Variants in CACNA2D3 observed in about 807,000 individuals in gnomAD.
CACNA2D3 encodes voltage-dependent calcium channel subunit alpha-2/delta-3.
Under a neutral mutation model 160.6 loss-of-function variants are expected in CACNA2D3, and 60 were observed. That is an observed-to-expected ratio of 0.37 (90% CI 0.30 to 0.46). The LOEUF (loss-of-function observed/expected upper bound fraction) is 0.46, where lower values mean the gene tolerates loss of function less well. Among genes scored for constraint, CACNA2D3 ranks in the 20% least tolerant of loss-of-function variants. The pLI is 1.00. For missense variants in CACNA2D3, 1,205 were observed against 1,365.0 expected, an observed-to-expected ratio of 0.88 and a Z score of 1.85; for synonymous variants, 558 against 492.9, an observed-to-expected ratio of 1.13 and a Z score of -1.75.
chr3:55,061,034 T>C (rs575673885), intron 35 of CACNA2D3, among the ~76,000 whole-genome samples: 1 of 151,374 alleles, frequency 6.6e-6, no homozygotes, highest in East Asian at 1.9e-4. Flanking sequence ...CAATAAATCC[T>C]TGTGGGCTGA....
chr3:54,495,667 TGAACCCAGG>T (rs1457981666), intron 4 of CACNA2D3, among the ~76,000 whole-genome samples: 11 of 152,162 alleles, frequency 7.2e-5, no homozygotes, highest in Non-Finnish European at 1.6e-4. Context: ...GAGGATCACT[TGAACCCAGG>T]AGGCAGAGGC....
At chr3:54,374,817 A>T (rs954139184) in intron 3 of CACNA2D3, among the ~76,000 whole-genome samples, 2 of 152,044 alleles carry the variant, frequency 1.3e-5, no homozygotes, top group African/African-American at 4.8e-5. Context: ...TAACTTTCAG[A>T]TGTTTTGTCT....
intron 35 of CACNA2D3, among the ~76,000 whole-genome samples, chr3:55,058,067 C>T (rs1208410278): frequency 6.6e-6 from 1 of 152,178 alleles, no homozygotes; most frequent in East Asian, 1.9e-4. Context: ...ACATCTGTCT[C>T]TCTTCAAACG....
At chr3:54,964,401 G>T (rs927533068) in intron 27 of CACNA2D3, among the ~76,000 whole-genome samples, 2 of 129,428 alleles carry the variant, frequency 1.5e-5, no homozygotes, top group African/African-American at 5.1e-5. Context: ...CAAACCCCAG[G>T]AATGGTGATT....
At chr3:54,822,755 T>C (rs182819646) in intron 14 of CACNA2D3, among the ~76,000 whole-genome samples, 1,231 of 80,468 alleles carry the variant, frequency 0.015, 47 homozygotes, top group African/African-American at 0.055. Flanking sequence ...TCTTTCTTTC[T>C]TTCTTTCTTT....
At chr3:54,279,584 T>G (rs1359381722) in intron 2 of CACNA2D3, among the ~76,000 whole-genome samples, 8 of 152,176 alleles carry the variant, frequency 5.3e-5, no homozygotes, top group Admixed American at 5.2e-4. Context: ...GCAGGAAGGT[T>G]GGATTTTCAA....
chr3:54,580,559 C>T (rs941108226), intron 8 of CACNA2D3, among the ~76,000 whole-genome samples: 5 of 152,210 alleles, frequency 3.3e-5, no homozygotes, highest in South Asian at 2.1e-4. Flanking sequence ...TCAGGAGCTC[C>T]GGGCCTCTTT....
intron 2 of CACNA2D3, among the ~76,000 whole-genome samples, chr3:54,231,781 G>T (rs544649254): frequency 6.6e-6 from 1 of 152,224 alleles, no homozygotes; most frequent in East Asian, 1.9e-4. Flanking sequence ...CAAGGTTATT[G>T]GTTTCATGTT....
At chr3:54,220,747 C>T (rs899711778) in intron 2 of CACNA2D3, among the ~76,000 whole-genome samples, 2 of 152,210 alleles carry the variant, frequency 1.3e-5, no homozygotes, top group East Asian at 3.9e-4. Flanking sequence ...AACCGTGACA[C>T]GTTTGGGCTG....
intron 2 of CACNA2D3, among the ~76,000 whole-genome samples, chr3:54,222,322 C>G (rs1701590009): frequency 1.3e-5 from 2 of 152,124 alleles, no homozygotes. Flanking sequence ...GCTTGAGACC[C>G]AGGAAGAGTT....
chr3:54,404,398 C>A (rs760180638), intron 4 of CACNA2D3, among the ~76,000 whole-genome samples: 58 of 152,226 alleles, frequency 3.8e-4, no homozygotes, highest in Non-Finnish European at 4.9e-4. Flanking sequence ...ATCATATAAA[C>A]TGATGCAGAA....
chr3:54,764,889 G>A lies in CACNA2D3; in HGVS notation c.1380+538G>A, dbSNP rs941416801. Among the ~76,000 whole-genome samples, 64 of 152,280 alleles carry A rather than the reference G, an allele frequency of 4.2e-4. 1 individual carries two copies. The highest frequency in any genetic ancestry group is 3.4e-3 in the Middle Eastern group (1 of 294). On this transcript the variant is annotated intron_variant, in intron 13 of 37. Transcript: ENST00000474759. Reference sequence around the variant, plus strand: ...ACTCTGACCATGGGCCCATTCTAAAGCCGAATTCTAAACAGCAGATTCTGA... The same window carrying A: ...ACTCTGACCATGGGCCCATTCTAAAACCGAATTCTAAACAGCAGATTCTGA...
At chr3:54,440,840 C>A (rs1032193911) in intron 4 of CACNA2D3, among the ~76,000 whole-genome samples, 1 of 152,020 alleles carries the variant, frequency 6.6e-6, no homozygotes, top group Admixed American at 6.6e-5. Flanking sequence ...GGCTGCATAG[C>A]ATTCCATGGT....
In CACNA2D3 at chr3:54,837,163, CTGA is replaced by C; in HGVS notation, c.1408_1410del (p.Asp470del). Reference sequence around the variant, plus strand: ...TGGCTTTTCTCTTCCATCCAGCTGACTGATGATCAGGGCCCCGTCCTGATGACC... The same window carrying C: ...TGGCTTTTCTCTTCCATCCAGCTGACTGATCAGGGCCCCGTCCTGATGACC... On this transcript the variant is annotated inframe_deletion, in exon 15 of 38. Transcript: ENST00000474759. The C allele has an allele frequency of 6.2e-7, 1 of 1,613,906 alleles. No individual in the cohort carries two copies. Among genetic ancestry groups the C allele is most frequent in the Non-Finnish European group, 8.5e-7 (1 of 1,179,808 alleles).
intron 7 of CACNA2D3, 24 bp from the exon 8 acceptor site, chr3:54,569,930 G>A (rs768082736): frequency 6.2e-7 from 1 of 1,613,698 alleles, no homozygotes; most frequent in Non-Finnish European, 8.5e-7. Context: ...GATTAATTTT[G>A]ACTTAATTTT....
At chr3:54,330,030 C>T (rs1050074845) in intron 3 of CACNA2D3, among the ~76,000 whole-genome samples, 1 of 152,290 alleles carries the variant, frequency 6.6e-6, no homozygotes, top group South Asian at 2.1e-4. Flanking sequence ...TTCATTTACA[C>T]TGCATTCAGT....
chr3:54,863,714 T>G (rs1449567388), intron 17 of CACNA2D3, among the ~76,000 whole-genome samples: 2 of 71,912 alleles, frequency 2.8e-5, no homozygotes, highest in East Asian at 6.1e-4. Flanking sequence ...TTAATTGTTG[T>G]TTTTTTTTAA....
At chr3:54,513,944 A>G (rs1024220048) in intron 5 of CACNA2D3, among the ~76,000 whole-genome samples, 9 of 152,184 alleles carry the variant, frequency 5.9e-5, no homozygotes, top group Non-Finnish European at 8.8e-5. Flanking sequence ...AAGTGCTGGG[A>G]TTACAGGCAT....
intron 9 of CACNA2D3, among the ~76,000 whole-genome samples, chr3:54,624,909 C>T (rs909427195): frequency 2.0e-5 from 3 of 152,168 alleles, no homozygotes; most frequent in Admixed American, 6.5e-5. Context: ...TGATTTCCAC[C>T]GGGGGTGGTT....
Sources: allele counts gnomAD v4.1 joint callset (sites outside exome capture counted in the v4.1 genomes callset), GRCh38; gene constraint gnomAD v4.1.1; transcripts MANE v1.5; gene names NCBI Gene and HGNC (gene_info 2026-07-23, HGNC 2026-07-21).